Variants in TBC1D16 observed in about 807,000 individuals in gnomAD.
The protein encoded by TBC1D16 is TBC1 domain family member 16.
In TBC1D16, 58 loss-of-function variants were observed where a neutral mutation model predicts 74.7. The observed-to-expected ratio is 0.78, with a 90% CI of 0.63 to 0.97. The LOEUF (loss-of-function observed/expected upper bound fraction) is 0.97, where lower values mean the gene tolerates loss of function less well. TBC1D16 is among the 50% of genes least tolerant of loss of function. TBC1D16 has a pLI of 0.00. For synonymous variants in TBC1D16, 493 were observed against 474.7 expected (o/e 1.04, Z -0.50); for missense variants, 1,014 against 1,079.5 (o/e 0.94, Z 0.85).
chr17:80,010,737 C>T lies in TBC1D16; in HGVS notation c.202G>A (p.Glu68Lys), dbSNP rs2035860897. The change falls in exon 3 of 12, where the codon GAG becomes AAG. Residue 68 changes from glutamate (E) to lysine (K), a missense_variant. By Grantham distance (56) the Glu-to-Lys change is moderately conservative. Transcript: ENST00000310924. This position sits in a 1 kb window ranked among gnomAD's most constrained non-coding sequence, Gnocchi z 8.8. ...HHPGYLCLYM[E>K]KDEMLGATLI... ...GTGGCTCCCAGCATCTCATCCTTCTCCATGTACAAGCACAGGTAACCTGTG... is the reference window on the plus strand; with the variant it reads ...GTGGCTCCCAGCATCTCATCCTTCTTCATGTACAAGCACAGGTAACCTGTG... 6.7e-7 allele frequency: 1 copy of T among 1,499,586 alleles called. No homozygotes were observed. The highest frequency in any genetic ancestry group is 1.4e-5 in the African/African-American group (1 of 71,488). The allele number at this position is 1,499,586 out of a possible 1,614,324, so 92.9% of individuals were successfully genotyped here.
intron 3 of TBC1D16, among the ~76,000 whole-genome samples, chr17:79,970,122 G>A (rs1030444421): frequency 6.6e-6 from 1 of 152,168 alleles, no homozygotes; most frequent in Non-Finnish European, 1.5e-5. Context: ...TGAAGTACCG[G>A]CCTGTTACAA....
intron 3 of TBC1D16, among the ~76,000 whole-genome samples, chr17:79,997,135 G>A (rs1044233311): frequency 1.3e-5 from 2 of 152,156 alleles, no homozygotes; most frequent in Non-Finnish European, 2.9e-5. Context: ...TGGGGGAGTG[G>A]TTCTGCGTCT....
chr17:80,028,451 C>T (rs140490609), intron 1 of TBC1D16, among the ~76,000 whole-genome samples: 3,668 of 151,436 alleles, frequency 0.024, 66 homozygotes, highest in Non-Finnish European at 0.035. Flanking sequence ...ATCGCTTGAA[C>T]CCAGGAGGCA....
In TBC1D16 at chr17:79,979,465, C is replaced by T. The variant is rs1192726963; in HGVS notation, c.780-26647G>A. 1.3e-5 allele frequency among the ~76,000 whole-genome samples: 2 copies of T among 152,148 alleles called. No individual in the cohort carries two copies. Among genetic ancestry groups the T allele is most frequent in the Non-Finnish European group, 2.9e-5 (2 of 68,020 alleles). ...CAGGGGAGATGGGAGAGGCCTGAAG[C>T]GGGAGGCGGGAGGACCGCATAGCTG... is the stretch of plus-strand genomic sequence containing the variant. On this transcript the variant is annotated intron_variant, in intron 3 of 11. Coordinates refer to ENST00000310924, the MANE Select transcript of TBC1D16 (RefSeq NM_019020.4). This position sits in a 1 kb window ranked among gnomAD's most constrained non-coding sequence, Gnocchi z 4.8.
At position 79,941,954 on chromosome 17, in the gene TBC1D16, G is replaced by A; in HGVS notation, c.2055+106C>T. ...GGGCCATGGTGGGGATGGGGCTCTG[G>A]GGGCGGGGCCCACATCTGGGGCAGC... On this transcript the variant is annotated intron_variant, in intron 11 of 11. Transcript: ENST00000310924. This position sits in a 1 kb window ranked among gnomAD's most constrained non-coding sequence, Gnocchi z 4.3. 1 of 1,102,414 alleles carries A rather than the reference G, an allele frequency of 9.1e-7. No homozygotes were observed. The highest frequency in any genetic ancestry group is 1.5e-5 in the South Asian group (1 of 66,306). The allele number at this position is 1,102,414 out of a possible 1,614,324, so 68.3% of individuals were successfully genotyped here. A position where few individuals can be genotyped will look rare whatever the true frequency, so the allele number is the denominator to read the frequency against.
chr17:80,015,268 A>G (rs2144702517), intron 1 of TBC1D16, among the ~76,000 whole-genome samples: 1 of 151,972 alleles, frequency 6.6e-6, no homozygotes, highest in African/African-American at 2.4e-5. Context: ...CGTCTTGACT[A>G]AAAATAGAAA....
intron 1 of TBC1D16, among the ~76,000 whole-genome samples, chr17:80,033,529 T>A (rs2036845268): frequency 6.6e-6 from 1 of 152,106 alleles, no homozygotes; most frequent in Non-Finnish European, 1.5e-5. Flanking sequence ...CCCACCAGCA[T>A]GTCCAGCTAA....
At chr17:79,977,988 C>A (rs1598378362) in intron 3 of TBC1D16, among the ~76,000 whole-genome samples, 1 of 152,256 alleles carries the variant, frequency 6.6e-6, no homozygotes, top group South Asian at 2.1e-4. Context: ...CCACGGGAAG[C>A]TGGCTCTATT....
rs1478135494 is a variant in TBC1D16, at chr17:79,988,582, C to T, written c.779+21578G>A. The stretch of plus-strand genomic sequence containing the variant: ...CCAGGGTCCTGGTGAACGCACGTGC[C>T]TGCGTTCTGTACCAAACAGTTGTCA... On this transcript the variant is annotated intron_variant, in intron 3 of 11. Transcript: ENST00000310924. This position sits in a 1 kb window ranked among gnomAD's most constrained non-coding sequence, Gnocchi z 5.7. Among the ~76,000 whole-genome samples, 1 of 152,242 alleles carries T rather than the reference C, an allele frequency of 6.6e-6. No homozygotes were observed. Among genetic ancestry groups the T allele is most frequent in the Non-Finnish European group, 1.5e-5 (1 of 68,036 alleles).
At chr17:79,942,717 C>T (rs2032134013) in intron 10 of TBC1D16, among the ~76,000 whole-genome samples, 1 of 152,158 alleles carries the variant, frequency 6.6e-6, no homozygotes, top group Admixed American at 6.5e-5. Context: ...CAGGCCACAC[C>T]CCCCAATCAT....
chr17:79,984,619 G>GGGAAGGAAGGAAGGAAGGAAGGAA lies in TBC1D16; in HGVS notation c.779+25540_779+25541insTTCCTTCCTTCCTTCCTTCCTTCC, dbSNP rs1491290219. Among the ~76,000 whole-genome samples the GGGAAGGAAGGAAGGAAGGAAGGAA allele has an allele frequency of 3.9e-3, 403 of 102,516 alleles. 7 individuals carry two copies. The highest frequency in any genetic ancestry group is 0.011 in the African/African-American group (276 of 24,454). The allele number at this position is 102,516 out of a possible 152,430, so 67.3% of individuals were successfully genotyped here. On this transcript the variant is annotated intron_variant, in intron 3 of 11. Transcript: ENST00000310924. ...GAGAAAGAAAAGAGGGAGGGAGGGA[G>GGGAAGGAAGGAAGGAAGGAAGGAA]TGAAGGAAGGAAGGAAGGAAGGAAG...
At chr17:79,984,014 G>A (rs1261191272) in intron 3 of TBC1D16, among the ~76,000 whole-genome samples, 1 of 138,288 alleles carries the variant, frequency 7.2e-6, no homozygotes, top group Non-Finnish European at 1.5e-5. Flanking sequence ...ACTACAGGCA[G>A]GCACCACAGC....
Position 80,031,488 on chromosome 17 carries a change from C to T in TBC1D16, c.-63+4307G>A, listed in dbSNP as rs1348799670. Among the ~76,000 whole-genome samples, 5 of 152,192 alleles carry T rather than the reference C, an allele frequency of 3.3e-5. No individual in the cohort carries two copies. In the East Asian group the frequency reaches 5.8e-4, roughly 18 times the overall value. ...AAAGAGGACCCCTGAGAGGCTATAA[C>T]GGGGCAGGACCATCACCAAAACGGT... is the stretch of plus-strand genomic sequence containing the variant. On this transcript the variant is annotated intron_variant, in intron 1 of 11. Transcript: ENST00000310924.
At position 79,988,934 on chromosome 17, in the gene TBC1D16, C is replaced by CAGGACCCAGCACCTTCAG. The variant is rs1221811761; in HGVS notation, c.779+21208_779+21225dup. Among the ~76,000 whole-genome samples, 6 of 152,344 alleles carry CAGGACCCAGCACCTTCAG rather than the reference C, an allele frequency of 3.9e-5. No individual in the cohort carries two copies. In the South Asian group the frequency reaches 8.3e-4, roughly 21 times the overall value. ...TGCCCGCCGGCCCCAGGCCCTCCCT[C>CAGGACCCAGCACCTTCAG]AGGACCCAGCACCTTCAGTCCTCCT... On this transcript the variant is annotated intron_variant, in intron 3 of 11. Transcript: ENST00000310924. The surrounding 1 kb of genome is among the most constrained non-coding windows in gnomAD (Gnocchi z 5.7).
At chr17:79,966,736 C>T (rs1199384322) in intron 3 of TBC1D16, among the ~76,000 whole-genome samples, 2 of 152,002 alleles carry the variant, frequency 1.3e-5, no homozygotes, top group Non-Finnish European at 2.9e-5. Context: ...TTTGTTGATA[C>T]AAAAACCAGA....
chr17:80,017,312 A>G (rs1347320814), intron 1 of TBC1D16, among the ~76,000 whole-genome samples: 2 of 152,158 alleles, frequency 1.3e-5, no homozygotes, highest in Non-Finnish European at 2.9e-5. Context: ...TTACTGACAG[A>G]CACTCAAGCT....
chr17:79,985,135 G>A lies in TBC1D16; in HGVS notation c.779+25025C>T, dbSNP rs1235784981. Among the ~76,000 whole-genome samples, 2 of 152,170 alleles carry A rather than the reference G, an allele frequency of 1.3e-5. No homozygotes were observed. Among genetic ancestry groups the A allele is most frequent in the Non-Finnish European group, 2.9e-5 (2 of 68,046 alleles). ...GCAAGAGTCTTTCCTGCCTCTTCCA[G>A]CTGGAGGTGCTCGTCCTGGATCCTG... On this transcript the variant is annotated intron_variant, in intron 3 of 11. Coordinates refer to ENST00000310924, the MANE Select transcript of TBC1D16 (RefSeq NM_019020.4). The surrounding 1 kb of genome is among the most constrained non-coding windows in gnomAD (Gnocchi z 4.9).
In TBC1D16 at chr17:79,942,066, G is replaced by T; in HGVS notation, c.2049C>A (p.Leu683=). The change falls in exon 11 of 12, where the codon CTC becomes CTA. Residue 683 remains leucine, a synonymous_variant. Coordinates refer to ENST00000310924, the MANE Select transcript of TBC1D16 (RefSeq NM_019020.4). Reference sequence around the variant, plus strand: ...ACATCTGGGGCAGCCTCACCTTCCGGAGAACGAGCTCCCCGTTCATGTGCA... The same window carrying T: ...ACATCTGGGGCAGCCTCACCTTCCGTAGAACGAGCTCCCCGTTCATGTGCA... The part of the protein sequence containing the change: ...LAMHMNGELV[L]RKARSLLYQF... The T allele has an allele frequency of 2.5e-6, 4 of 1,611,072 alleles. No homozygotes were observed. The highest frequency in any genetic ancestry group is 3.4e-6 in the Non-Finnish European group (4 of 1,179,492).
At chr17:79,948,311 T>TGGAGA (rs2032737682) in intron 8 of TBC1D16, among the ~76,000 whole-genome samples, 20 of 28,254 alleles carry the variant, frequency 7.1e-4, no homozygotes, top group Non-Finnish European at 7.5e-5. Flanking sequence ...AGACTCCGTC[T>TGGAGA]CAAAAAAAAA....
Sources: allele counts gnomAD v4.1 joint callset (sites outside exome capture counted in the v4.1 genomes callset), GRCh38; gene constraint gnomAD v4.1.1; non-coding constraint Gnocchi (gnomAD v3.1); transcripts MANE v1.5; gene names NCBI Gene and HGNC (gene_info 2026-07-23, HGNC 2026-07-21).